The following CRYBB1 variants were observed in gnomAD, a reference collection of about 807,000 sequenced individuals.
CRYBB1 encodes the protein crystallin beta B1.
CRYBB1 carries 16 observed loss-of-function variants against 29.5 expected under a neutral mutation model. The observed-to-expected ratio is 0.54, with a 90% CI of 0.37 to 0.82. CRYBB1 has a LOEUF of 0.82. Ranked by LOEUF, CRYBB1 falls within the 40% of genes least tolerant of loss-of-function variation. The pLI is 0.00. For missense variants in CRYBB1, 300 were observed against 350.5 expected (o/e 0.86, Z 1.15); for synonymous variants, 127 against 136.7 (o/e 0.93, Z 0.49).
At chr22:26,606,733 C>T (rs966240972) in intron 4 of CRYBB1, among the ~76,000 whole-genome samples, 4 of 152,200 alleles carry the variant, frequency 2.6e-5, no homozygotes, top group African/African-American at 9.7e-5. Context: ...GTGGTTGGCA[C>T]TTGATAGCCT....
intron 2 of CRYBB1, 115 bp from the exon 3 acceptor site, chr22:26,612,305 CCA>C (rs1325454266): frequency 2.3e-5 from 16 of 708,092 alleles, no homozygotes; most frequent in Non-Finnish European, 4.1e-5. Flanking sequence ...GTGTGATGAG[CCA>C]CAGTTTGTGA....
intron 2 of CRYBB1, among the ~76,000 whole-genome samples, chr22:26,613,834 C>T (rs1344327355): frequency 6.6e-6 from 1 of 152,226 alleles, no homozygotes; most frequent in African/African-American, 2.4e-5. Context: ...AGCCATATTT[C>T]TCTTCTTTCA....
chr22:26,608,940 T>C (rs1929070867), intron 3 of CRYBB1, among the ~76,000 whole-genome samples: 1 of 152,202 alleles, frequency 6.6e-6, no homozygotes, highest in South Asian at 2.1e-4. Context: ...AAGATTTTCC[T>C]GGCTTTCCCA....
At chr22:26,600,672 C>T (rs1434898825) in intron 5 of CRYBB1, among the ~76,000 whole-genome samples, 1 of 152,230 alleles carries the variant, frequency 6.6e-6, no homozygotes, top group Non-Finnish European at 1.5e-5. Flanking sequence ...ATAGTAAGCA[C>T]TCAATAGAAG....
intron 3 of CRYBB1, among the ~76,000 whole-genome samples, chr22:26,611,171 T>C (rs1199981760): frequency 2.0e-5 from 3 of 152,064 alleles, no homozygotes; most frequent in Non-Finnish European, 2.9e-5. Context: ...TCAACCTGAG[T>C]TGAATCCTGG....
chr22:26,616,802 C>T (rs181921872), intron 1 of CRYBB1, among the ~76,000 whole-genome samples: 4 of 152,288 alleles, frequency 2.6e-5, no homozygotes, highest in African/African-American at 7.2e-5. Flanking sequence ...TATCATGATC[C>T]CCTCTGAGCA....
chr22:26,605,201 C>T (rs1371877200), intron 4 of CRYBB1, among the ~76,000 whole-genome samples: 1 of 152,052 alleles, frequency 6.6e-6, no homozygotes, highest in Non-Finnish European at 1.5e-5. Flanking sequence ...CTTCTGCTTT[C>T]CTAGTTAGAT....
intron 3 of CRYBB1, among the ~76,000 whole-genome samples, chr22:26,609,247 C>G (rs542578518): frequency 6.6e-6 from 1 of 152,288 alleles, no homozygotes; most frequent in African/African-American, 2.4e-5. Flanking sequence ...ACAGGAGCCT[C>G]AGGTCTTTGT....
Position 26,606,702 on chromosome 22 carries a change from T to G in CRYBB1, c.432+1187A>C, listed in dbSNP as rs991807280. ...GTTTGAATAATCCATTAAGATAAAT[T>G]TGGTGATGTCAAAACAGCTGGTGGT... On this transcript the variant is annotated intron_variant, in intron 4 of 5. Transcript: ENST00000647684. 5.3e-5 allele frequency among the ~76,000 whole-genome samples: 8 copies of G among 152,200 alleles called. 1 individual carries two copies.
Position 26,599,516 on chromosome 22 carries a change from C to T in CRYBB1, c.733G>A (p.Val245Ile). 12 of 1,613,278 alleles carry T rather than the reference C, an allele frequency of 7.4e-6. No homozygotes were observed. The highest frequency in any genetic ancestry group is 1.0e-5 in the Non-Finnish European group (12 of 1,180,012). The change falls in exon 6 of 6, where the codon GTC (valine) becomes ATC (isoleucine). Residue 245 changes from valine (V) to isoleucine (I), a missense_variant. Coordinates refer to ENST00000647684, the MANE Select transcript of CRYBB1 (RefSeq NM_001887.4). ...CACTTGGGGGGCTCTGTGGCCAGGA[C>T]AGGGAAGGACCCCTCGAGGTGCCAC... is the stretch of plus-strand genomic sequence containing the variant. ...KQWHLEGSFP[V>I]LATEPPK
At chr22:26,611,641 A>AT (rs1293942006) in intron 3 of CRYBB1, among the ~76,000 whole-genome samples, 2 of 151,342 alleles carry the variant, frequency 1.3e-5, no homozygotes, top group African/African-American at 4.9e-5. Flanking sequence ...CGCCCGGCTA[A>AT]TTTTTTGTAT....
intron 2 of CRYBB1, among the ~76,000 whole-genome samples, chr22:26,612,486 C>T (rs561723730): frequency 3.3e-5 from 5 of 152,276 alleles, no homozygotes; most frequent in Admixed American, 2.6e-4. Flanking sequence ...CCTCAGCCTC[C>T]GAGTAGTTGA....
At chr22:26,609,123 G>T (rs145102149) in intron 3 of CRYBB1, among the ~76,000 whole-genome samples, 47 of 152,248 alleles carry the variant, frequency 3.1e-4, no homozygotes, top group African/African-American at 1.1e-3. Flanking sequence ...AAAAAGAGAC[G>T]GATGAGGGGA....
At chr22:26,607,812 C>G (rs1834532638) in intron 4 of CRYBB1, 77 bp downstream of exon 4, 7 of 1,602,894 alleles carry the variant, frequency 4.4e-6, no homozygotes, top group Middle Eastern at 1.7e-4. Flanking sequence ...CTCCTTCTTG[C>G]CCTTGTCAGA....
intron 4 of CRYBB1, 142 bp downstream of exon 4, chr22:26,607,747 A>G (rs1929026666): frequency 9.1e-7 from 1 of 1,103,646 alleles, no homozygotes; most frequent in Admixed American, 1.9e-5. Flanking sequence ...TGAGCTCAAG[A>G]ATCCACGGTC....
rs377366579 is a variant in CRYBB1 at position 26,611,679 on chromosome 22, T to A, written c.299+393A>T. ...TTAGTAGAGACGGGGTTTCACCTTGTTAGCCAGGATGGTCTCGATCTCCTG... is the reference window on the plus strand; with the variant it reads ...TTAGTAGAGACGGGGTTTCACCTTGATAGCCAGGATGGTCTCGATCTCCTG... On this transcript the variant is annotated intron_variant, in intron 3 of 5. Transcript: ENST00000647684. Among the ~76,000 whole-genome samples, 245 of 152,144 alleles carry A rather than the reference T, an allele frequency of 1.6e-3. 2 individuals are homozygous for A. Among genetic ancestry groups the A allele is most frequent in the African/African-American group, 5.6e-3 (234 of 41,544 alleles).
At chr22:26,600,538 G>A (rs561252772) in intron 5 of CRYBB1, among the ~76,000 whole-genome samples, 139 of 152,332 alleles carry the variant, frequency 9.1e-4, no homozygotes, top group African/African-American at 3.2e-3. Context: ...GAATCTAGGT[G>A]GATAAGGTAT....
chr22:26,602,073 G>A, intron 4 of CRYBB1, 52 bp from the exon 5 acceptor site: 2 of 1,607,860 alleles, frequency 1.2e-6, no homozygotes, highest in South Asian at 1.1e-5. Context: ...GGGACAAAGA[G>A]AAGAAACTTA....
intron 3 of CRYBB1, among the ~76,000 whole-genome samples, chr22:26,611,395 C>T (rs927669734): frequency 6.6e-6 from 1 of 152,046 alleles, no homozygotes; most frequent in African/African-American, 2.4e-5. Context: ...GGAGAGGGGA[C>T]AGCGAGTGGA....
Sources: gnomAD v4.1 joint callset for allele counts (sites outside exome capture counted in the v4.1 genomes callset) on GRCh38, gnomAD v4.1.1 for gene constraint, MANE v1.5 for transcripts, NCBI Gene and HGNC (gene_info 2026-07-23, HGNC 2026-07-21) for gene names.